C3orf20: variants seen among roughly 807,000 people sequenced by gnomAD.
The protein encoded by C3orf20 is family with sequence similarity 149 member C, also known as uncharacterized protein C3orf20.
A neutral mutation model predicts 88.3 loss-of-function variants in C3orf20; 76 were observed. That is an observed-to-expected ratio of 0.86 (90% CI 0.72 to 1.04). The LOEUF is 1.04. Ranked by LOEUF, C3orf20 falls within the 50% of genes least tolerant of loss-of-function variation. The pLI is 0.00. For synonymous variants in C3orf20, 436 were observed against 437.4 expected (o/e 1.00, Z 0.04); for missense variants, 1,056 against 1,123.3 (o/e 0.94, Z 0.86).
chr3:14,729,174 C>G (rs1214901858), intron 12 of C3orf20, among the ~76,000 whole-genome samples: 1 of 152,188 alleles, frequency 6.6e-6, no homozygotes, highest in Non-Finnish European at 1.5e-5. Flanking sequence ...CTACCTGGCT[C>G]TCTACAGAAA....
chr3:14,755,004 T>G (rs1430399410), intron 12 of C3orf20, among the ~76,000 whole-genome samples: 2 of 152,144 alleles, frequency 1.3e-5, no homozygotes, highest in South Asian at 4.1e-4. Flanking sequence ...AGATTACAGG[T>G]GTGAGCCACC....
intron 15 of C3orf20, among the ~76,000 whole-genome samples, chr3:14,762,984 T>C (rs1016558688): frequency 2.3e-4 from 35 of 152,102 alleles, no homozygotes; most frequent in African/African-American, 8.0e-4. Flanking sequence ...GAGCAGATGC[T>C]GAAAGGTGCA....
intron 12 of C3orf20, among the ~76,000 whole-genome samples, chr3:14,742,244 T>A (rs1034617548): frequency 4.6e-5 from 7 of 152,220 alleles, no homozygotes; most frequent in African/African-American, 1.7e-4. Flanking sequence ...GAATTTTAAA[T>A]TTACGGAGGA....
chr3:14,772,177 A>C lies in C3orf20; in HGVS notation c.2606A>C (p.Lys869Thr). ...SSLALEDYVE[K>T]ELSLEAEKTR... ...TTGGCCCTGGAAGACTATGTGGAGA[A>C]GGAGTTATCTCTGGAGGCTGAGAAG... is the stretch of plus-strand genomic sequence containing the variant. The change falls in exon 16 of 17, where the codon AAG (lysine) becomes ACG (threonine). Residue 869 changes from lysine (K) to threonine (T), a missense_variant. Physicochemically the swap from Lys to Thr is moderately conservative, Grantham distance 78. Transcript: ENST00000253697. This position sits in a 1 kb window ranked among gnomAD's most constrained non-coding sequence, Gnocchi z 4.2. The C allele has an allele frequency of 6.2e-7, 1 of 1,614,254 alleles. No homozygotes were observed. The highest frequency in any genetic ancestry group is 8.5e-7 in the Non-Finnish European group (1 of 1,180,040).
intron 12 of C3orf20, among the ~76,000 whole-genome samples, chr3:14,748,947 A>G (rs1167447641): frequency 1.3e-5 from 2 of 152,280 alleles, no homozygotes; most frequent in Middle Eastern, 3.4e-3. Context: ...CAAATGTTCT[A>G]TATGTGTCTG....
intron 1 of C3orf20, among the ~76,000 whole-genome samples, chr3:14,681,243 C>G (rs961865058): frequency 2.1e-4 from 32 of 152,322 alleles, no homozygotes; most frequent in African/African-American, 7.5e-4. Context: ...GGCTGTGAGC[C>G]TGCCCTGTAA....
chr3:14,756,587 A>G (rs750598615), intron 12 of C3orf20, among the ~76,000 whole-genome samples: 1 of 152,090 alleles, frequency 6.6e-6, no homozygotes, highest in Non-Finnish European at 1.5e-5. Context: ...CACTCAGAAA[A>G]TCTCATTAAG....
Position 14,704,287 on chromosome 3 carries a change from G to C in C3orf20, c.879-50G>C, listed in dbSNP as rs774381028. 23 of 1,592,054 alleles carry C rather than the reference G, an allele frequency of 1.4e-5. No homozygotes were observed. The South Asian group carries it at 2.5e-4, about 17-fold the overall frequency. ...GGAGGGGCTGTAGAGAGCATCCCTG[G>C]TGCTTGAGAACCAAAAGGCTAGACA... is the stretch of plus-strand genomic sequence containing the variant. On this transcript the variant is annotated intron_variant, in intron 6 of 16. Coordinates refer to ENST00000253697, the MANE Select transcript of C3orf20 (RefSeq NM_032137.5).
intron 12 of C3orf20, among the ~76,000 whole-genome samples, chr3:14,747,801 T>G (rs535057505): frequency 1.3e-4 from 20 of 152,146 alleles, no homozygotes; most frequent in African/African-American, 4.6e-4. Flanking sequence ...TAAAAAATGT[T>G]GAGGCTAGGA....
chr3:14,747,426 A>G (rs543171639), intron 12 of C3orf20, among the ~76,000 whole-genome samples: 1 of 152,304 alleles, frequency 6.6e-6, no homozygotes, highest in East Asian at 1.9e-4. Context: ...TGAAATTTAC[A>G]CCAAATTATC....
intron 4 of C3orf20, among the ~76,000 whole-genome samples, chr3:14,685,127 C>T (rs2032325452): frequency 6.6e-6 from 1 of 152,124 alleles, no homozygotes; most frequent in Non-Finnish European, 1.5e-5. Context: ...TCCATTTAGA[C>T]AGTGGGACAT....
chr3:14,765,467 A>G (rs999201409), intron 15 of C3orf20: 2 of 152,226 alleles, frequency 1.3e-5, no homozygotes, highest in African/African-American at 4.8e-5. Context: ...AGGAGCTGAC[A>G]TTGTTTTCTA....
rs531184223 is a variant in C3orf20, at chr3:14,685,607, C to G, written c.625+1225C>G. 3.9e-5 allele frequency among the ~76,000 whole-genome samples: 6 copies of G among 152,026 alleles called. No individual in the cohort carries two copies. The South Asian group carries it at 1.2e-3, about 32-fold the overall frequency. On this transcript the variant is annotated intron_variant, in intron 4 of 16. Transcript: ENST00000253697. The stretch of plus-strand genomic sequence containing the variant: ...AGTAACCATGCTATATATTAGTTCT[C>G]CACAATTCATTCCTCTTATAAGTGA...
chr3:14,698,133 CA>C (rs1354343436), intron 5 of C3orf20, among the ~76,000 whole-genome samples: 7 of 152,150 alleles, frequency 4.6e-5, no homozygotes, highest in South Asian at 4.1e-4. Flanking sequence ...GGAATCTCCA[CA>C]CTGTCTTCAA....
intron 9 of C3orf20, among the ~76,000 whole-genome samples, chr3:14,717,805 A>G (rs1301276168): frequency 6.6e-6 from 1 of 152,186 alleles, no homozygotes; most frequent in Non-Finnish European, 1.5e-5. Flanking sequence ...GATTAAAAAA[A>G]AATCTCTTTA....
At chr3:14,692,194 G>A (rs562294327) in intron 5 of C3orf20, among the ~76,000 whole-genome samples, 9 of 152,342 alleles carry the variant, frequency 5.9e-5, no homozygotes, top group African/African-American at 2.2e-4. Flanking sequence ...TATGAGTGGT[G>A]CTGCCCTAAA....
intron 12 of C3orf20, among the ~76,000 whole-genome samples, chr3:14,748,685 C>T (rs2035130338): frequency 6.6e-6 from 1 of 151,958 alleles, no homozygotes; most frequent in African/African-American, 2.4e-5. Flanking sequence ...TTCTAATTTC[C>T]CTTGAGATTC....
At chr3:14,718,880 T>C (rs1317828610) in intron 9 of C3orf20, among the ~76,000 whole-genome samples, 1 of 152,256 alleles carries the variant, frequency 6.6e-6, no homozygotes, top group Admixed American at 6.5e-5. Context: ...TACAGAATTC[T>C]GGCCTCTCCT....
chr3:14,685,486 G>A (rs1053172474), intron 4 of C3orf20, among the ~76,000 whole-genome samples: 1 of 44,112 alleles, frequency 2.3e-5, no homozygotes, highest in Non-Finnish European at 4.8e-5. Context: ...CTCTCTGTGC[G>A]TGCGTGCGTG....
Sources: gnomAD v4.1 joint callset for allele counts (sites outside exome capture counted in the v4.1 genomes callset) on GRCh38, gnomAD v4.1.1 for gene constraint, Gnocchi (gnomAD v3.1) non-coding constraint, MANE v1.5 for transcripts, NCBI Gene and HGNC (gene_info 2026-07-23, HGNC 2026-07-21) for gene names.